COA1: variants seen among roughly 807,000 people sequenced by gnomAD.
COA1 encodes cytochrome c oxidase assembly factor 1.
COA1 carries 13 observed loss-of-function variants against 16.0 expected under a neutral mutation model. That is an observed-to-expected ratio of 0.81 (90% CI 0.53 to 1.29). The LOEUF is 1.29. Among genes scored for constraint, COA1 ranks in the 50% most tolerant of loss-of-function variants. COA1 has a pLI of 0.00. For missense variants in COA1, 179 were observed against 177.0 expected, an observed-to-expected ratio of 1.01 and a Z score of -0.06; for synonymous variants, 65 against 65.7, an observed-to-expected ratio of 0.99 and a Z score of 0.05.
At chr7:43,724,046 T>G (rs2095562523) in intron 1 of COA1, among the ~76,000 whole-genome samples, 1 of 152,202 alleles carries the variant, frequency 6.6e-6, no homozygotes, top group Admixed American at 6.5e-5. Flanking sequence ...GATCTCCAAG[T>G]CCTAATACAA....
chr7:43,678,778 T>C (rs539833649), intron 1 of COA1, among the ~76,000 whole-genome samples: 1 of 152,198 alleles, frequency 6.6e-6, no homozygotes, highest in Non-Finnish European at 1.5e-5. Flanking sequence ...CCCATTAGAA[T>C]GGCAATTATT....
chr7:43,671,242 C>T (rs1389561394), intron 1 of COA1, among the ~76,000 whole-genome samples: 1 of 151,712 alleles, frequency 6.6e-6, no homozygotes, highest in Non-Finnish European at 1.5e-5. Flanking sequence ...CTTGATATAA[C>T]ACCAAAAGCA....
chr7:43,684,149 G>A (rs929452544), intron 1 of COA1, among the ~76,000 whole-genome samples: 18 of 152,142 alleles, frequency 1.2e-4, no homozygotes, highest in African/African-American at 3.4e-4. Flanking sequence ...AGGAGGCAGG[G>A]GGATGGTTTT....
intron 1 of COA1, among the ~76,000 whole-genome samples, chr7:43,714,472 T>C (rs1356224367): frequency 6.7e-6 from 1 of 148,400 alleles, no homozygotes; most frequent in Non-Finnish European, 1.5e-5. Flanking sequence ...TACTAAGAAA[T>C]ACAAAAATTA....
chr7:43,691,449 GAAAGAA>G (rs2094360053), intron 1 of COA1, among the ~76,000 whole-genome samples: 1 of 146,736 alleles, frequency 6.8e-6, no homozygotes, highest in South Asian at 2.1e-4. Flanking sequence ...AAGAAAGAAA[GAAAGAA>G]AGAAAGAAAG....
At chr7:43,647,229 T>C in intron 3 of COA1, 1 of 437,016 alleles carries the variant, frequency 2.3e-6, no homozygotes, top group East Asian at 3.6e-5. Context: ...CTCTGTCCCT[T>C]CTTTATATAA....
At chr7:43,696,881 T>C (rs1006586730) in intron 1 of COA1, among the ~76,000 whole-genome samples, 3 of 151,874 alleles carry the variant, frequency 2.0e-5, no homozygotes, top group South Asian at 2.1e-4. Context: ...TCCCAGCACT[T>C]TGGGAAGCCA....
At chr7:43,703,710 C>T (rs1242703706) in intron 1 of COA1, among the ~76,000 whole-genome samples, 1 of 152,118 alleles carries the variant, frequency 6.6e-6, no homozygotes, top group Admixed American at 6.5e-5. Context: ...GGTCTTTCTC[C>T]ATCCCTTCAC....
chr7:43,645,862 T>C (rs1435333242), intron 3 of COA1: 1 of 154,850 alleles, frequency 6.5e-6, no homozygotes, highest in African/African-American at 2.4e-5. Flanking sequence ...TTCCACTAAG[T>C]TGAGACATAA....
At chr7:43,675,985 T>C (rs1429361081) in intron 1 of COA1, among the ~76,000 whole-genome samples, 2 of 152,290 alleles carry the variant, frequency 1.3e-5, no homozygotes, top group African/African-American at 4.8e-5. Flanking sequence ...TAAAAATTAC[T>C]ACCCATCGGT....
intron 1 of COA1, among the ~76,000 whole-genome samples, chr7:43,675,347 C>T (rs982705706): frequency 2.0e-5 from 3 of 151,896 alleles, no homozygotes; most frequent in East Asian, 1.9e-4. Context: ...AACCAAACAT[C>T]GTGTGTTCTC....
In COA1 at chr7:43,639,503, TG is replaced by T; in HGVS notation, c.*78del. On this transcript the variant is annotated 3_prime_UTR_variant, in exon 6 of 6. Coordinates refer to ENST00000223336, the MANE Select transcript of COA1 (RefSeq NM_018224.4). ...GTTGCAGGAGTGTCTGTCACTGAGA[TG>T]GGCCACCACCCCAGTGGCCATATGG... 8.7e-7 allele frequency: 1 copy of T among 1,150,898 alleles called. No individual in the cohort carries two copies. Among genetic ancestry groups the T allele is most frequent in the African/African-American group, 1.5e-5 (1 of 65,636 alleles). The allele number at this position is 1,150,898 out of a possible 1,614,324, so 71.3% of individuals were successfully genotyped here. A position where few individuals can be genotyped will look rare whatever the true frequency, so the allele number is the denominator to read the frequency against.
intron 1 of COA1, among the ~76,000 whole-genome samples, chr7:43,658,064 A>G (rs1398296487): frequency 6.7e-6 from 1 of 148,412 alleles, no homozygotes; most frequent in Non-Finnish European, 1.5e-5. Flanking sequence ...AGTCTATTTT[A>G]TTTATTTTTT....
chr7:43,691,054 C>CAAAAAAAAAA (rs1173049196), intron 1 of COA1, among the ~76,000 whole-genome samples: 3 of 40,008 alleles, frequency 7.5e-5, no homozygotes, highest in Non-Finnish European at 1.3e-4. Context: ...CTCATCACTA[C>CAAAAAAAAAA]AAAAAAAAAA....
At chr7:43,728,599 T>G (rs1021044569) in intron 1 of COA1, among the ~76,000 whole-genome samples, 2 of 152,188 alleles carry the variant, frequency 1.3e-5, no homozygotes, top group African/African-American at 4.8e-5. Flanking sequence ...ATCAAGACCC[T>G]GTAGGCCCTT....
At chr7:43,726,869 G>A (rs778751040) in intron 1 of COA1, among the ~76,000 whole-genome samples, 9 of 152,230 alleles carry the variant, frequency 5.9e-5, no homozygotes, top group Non-Finnish European at 1.3e-4. Context: ...AAAATGGGCA[G>A]AGGATCTGAG....
intron 1 of COA1, among the ~76,000 whole-genome samples, chr7:43,671,138 A>G (rs563078397): frequency 6.6e-6 from 1 of 152,324 alleles, no homozygotes; most frequent in African/African-American, 2.4e-5. Context: ...TCAACTGAAA[A>G]TGAATCACAG....
chr7:43,637,798 A>G (rs1191344498), downstream of COA1, among the ~76,000 whole-genome samples: 3 of 152,252 alleles, frequency 2.0e-5, no homozygotes, highest in Non-Finnish European at 4.4e-5. Context: ...AGATTAGAAA[A>G]GCCTCTCCAT....
intron 1 of COA1, among the ~76,000 whole-genome samples, chr7:43,683,372 C>T (rs547431383): frequency 6.6e-6 from 1 of 152,182 alleles, no homozygotes; most frequent in Non-Finnish European, 1.5e-5. Flanking sequence ...GTGGCTCACG[C>T]CTGTAATCGC....
Sources: allele counts gnomAD v4.1 joint callset (sites outside exome capture counted in the v4.1 genomes callset), GRCh38; gene constraint gnomAD v4.1.1; transcripts MANE v1.5; gene names NCBI Gene and HGNC (gene_info 2026-07-23, HGNC 2026-07-21).